The following KIAA1755 variants were observed in gnomAD, a reference collection of about 807,000 sequenced individuals.
KIAA1755 encodes the protein uncharacterized protein KIAA1755.
KIAA1755 carries 68 observed loss-of-function variants against 91.7 expected under a neutral mutation model. That is an observed-to-expected ratio of 0.74 (90% CI 0.61 to 0.91). The LOEUF is 0.91. Among genes scored for constraint, KIAA1755 ranks in the 40% least tolerant of loss-of-function variants. The pLI is 0.00. For missense variants in KIAA1755, 1,535 were observed against 1,494.4 expected (o/e 1.03, Z -0.45); for synonymous variants, 610 against 604.6 (o/e 1.01, Z -0.13).
At chr20:38,218,393 A>G in intron 11 of KIAA1755, 27 bp from the exon 12 acceptor site, 1 of 1,613,014 alleles carries the variant, frequency 6.2e-7, no homozygotes, top group Non-Finnish European at 8.5e-7. Context: ...AGATTTGGAC[A>G]TGAGGGGCTG....
chr20:38,248,714 T>TTATTA (rs2076198596), intron 1 of KIAA1755, among the ~76,000 whole-genome samples: 1 of 98,156 alleles, frequency 1.0e-5, no homozygotes, highest in Non-Finnish European at 2.3e-5. Flanking sequence ...TATTATTATT[T>TTATTA]TTGAGACAGA....
In KIAA1755 at chr20:38,213,569, G is replaced by A. The variant is rs533520677; in HGVS notation, c.3076C>T (p.Arg1026Trp). Residue 1026 changes from arginine to tryptophan, a missense_variant, in exon 14 of 14, where the codon CGG (arginine) becomes TGG (tryptophan). Physicochemically the swap from Arg to Trp is moderately radical, Grantham distance 101. Transcript: ENST00000279024. ...AVGLQVASLSRAGLGQELWEE... is the reference protein window; with the variant it reads ...AVGLQVASLSWAGLGQELWEE... ...CATAGCTCCTGGCCCAGGCCTGCCC[G>A]GCTCAGGGAGGCCACCTGCAGCCCC... is the stretch of plus-strand genomic sequence containing the variant. 4.1e-5 allele frequency: 66 copies of A among 1,605,714 alleles called. No homozygotes were observed. The highest frequency in any genetic ancestry group is 1.7e-4 in the Middle Eastern group (1 of 6,030).
chr20:38,237,683 T>C lies in KIAA1755; in HGVS notation c.1747+1845A>G, dbSNP rs1190861563. On this transcript the variant is annotated intron_variant, in intron 4 of 13. Transcript: ENST00000279024. ...TGGAAAAGGGGAGTGAAAAGGTGGT[T>C]GAACCAATAGGTTCAAGGTTTTGGG... Among the ~76,000 whole-genome samples, 3 of 151,806 alleles carry C rather than the reference T, an allele frequency of 2.0e-5. No homozygotes were observed. The East Asian group carries it at 5.8e-4, about 29-fold the overall frequency.
chr20:38,212,523 C>G lies in KIAA1755; in HGVS notation c.*519G>C, dbSNP rs1387895915. 6.5e-6 allele frequency: 1 copy of G among 153,592 alleles called. No individual in the cohort carries two copies. The highest frequency in any genetic ancestry group is 2.4e-5 in the African/African-American group (1 of 41,502). The allele number at this position is 153,592 out of a possible 1,614,324, so 9.5% of individuals were successfully genotyped here. A position where few individuals can be genotyped will look rare whatever the true frequency, so the allele number is the denominator to read the frequency against. On this transcript the variant is annotated 3_prime_UTR_variant, in exon 14 of 14. Coordinates refer to ENST00000279024, the MANE Select transcript of KIAA1755 (RefSeq NM_001029864.2). ...CCTTTGCAGATTCGCCTCCTACTCC[C>G]CCAGCAGAGGTTCCTGGATCAGCAC...
intron 13 of KIAA1755, among the ~76,000 whole-genome samples, chr20:38,216,425 G>A (rs774552561): frequency 3.3e-5 from 5 of 152,214 alleles, no homozygotes; most frequent in East Asian, 1.9e-4. Context: ...TGGCCTGCAC[G>A]TGGGGCTGGC....
At chr20:38,245,775 C>T (rs1465113002) in intron 2 of KIAA1755, among the ~76,000 whole-genome samples, 154 bp downstream of exon 2, 2 of 152,196 alleles carry the variant, frequency 1.3e-5, no homozygotes, top group African/African-American at 2.4e-5. Flanking sequence ...TGATGTCTCC[C>T]CCTGGGCAAG....
At chr20:38,238,291 G>T (rs977052803) in intron 4 of KIAA1755, among the ~76,000 whole-genome samples, 1 of 152,170 alleles carries the variant, frequency 6.6e-6, no homozygotes, top group Admixed American at 6.5e-5. Context: ...CCAGGAAAAT[G>T]ACAGATAAGG....
intron 10 of KIAA1755, 98 bp downstream of exon 10, chr20:38,222,351 G>A (rs999793944): frequency 1.1e-5 from 15 of 1,332,646 alleles, no homozygotes; most frequent in Admixed American, 2.1e-5. Context: ...GCGCCCTCGG[G>A]GCTCAGCTAT....
intron 1 of KIAA1755, 110 bp downstream of exon 1, chr20:38,260,388 C>T: frequency 6.2e-7 from 1 of 1,601,926 alleles, no homozygotes; most frequent in Middle Eastern, 1.7e-4. Flanking sequence ...CACTGAGGGT[C>T]GTCTCAGTGT....
intron 1 of KIAA1755, among the ~76,000 whole-genome samples, chr20:38,258,250 A>G (rs1427055098): frequency 6.6e-6 from 1 of 152,218 alleles, no homozygotes; most frequent in Non-Finnish European, 1.5e-5. Context: ...CATGGTTGTG[A>G]TATAAAATTT....
At position 38,240,839 on chromosome 20, in the gene KIAA1755, G is replaced by T; in HGVS notation, c.1292C>A (p.Ala431Glu). 6.2e-7 allele frequency: 1 copy of T among 1,614,188 alleles called. No homozygotes were observed. Among genetic ancestry groups the T allele is most frequent in the South Asian group, 1.1e-5 (1 of 91,080 alleles). ...SSPRLSPASP[A>E]AAASETKIEV... Reference sequence around the variant, plus strand: ...TATCTTTGTTTCAGAGGCTGCAGCTGCAGGAGAAGCTGGGGACAGGCGGGG... The same window carrying T: ...TATCTTTGTTTCAGAGGCTGCAGCTTCAGGAGAAGCTGGGGACAGGCGGGG... The change falls in exon 3 of 14, where the codon GCA becomes GAA. Residue 431 changes from alanine (A) to glutamate (E), a missense_variant. Transcript: ENST00000279024.
chr20:38,243,253 T>C (rs1459614640), intron 2 of KIAA1755, among the ~76,000 whole-genome samples: 1 of 152,236 alleles, frequency 6.6e-6, no homozygotes, highest in Non-Finnish European at 1.5e-5. Flanking sequence ...AATTATTGAT[T>C]GCGGAAATAG....
intron 1 of KIAA1755, among the ~76,000 whole-genome samples, chr20:38,253,586 C>T (rs1027866081): frequency 2.0e-5 from 3 of 152,056 alleles, no homozygotes; most frequent in African/African-American, 7.2e-5. Flanking sequence ...ACCGTATGAT[C>T]TATAGTATGA....
chr20:38,230,481 AC>A (rs2123152460), intron 5 of KIAA1755, among the ~76,000 whole-genome samples: 1 of 152,344 alleles, frequency 6.6e-6, no homozygotes, highest in South Asian at 2.1e-4. Flanking sequence ...GAAATTTGTT[AC>A]AAATGCAGAT....
intron 1 of KIAA1755, among the ~76,000 whole-genome samples, chr20:38,248,231 A>G (rs1165515790): frequency 6.6e-6 from 1 of 152,242 alleles, no homozygotes; most frequent in Non-Finnish European, 1.5e-5. Flanking sequence ...TAAATAAAAT[A>G]AAATAATAAA....
chr20:38,254,453 A>G (rs1376053132), intron 1 of KIAA1755, among the ~76,000 whole-genome samples: 2 of 152,096 alleles, frequency 1.3e-5, no homozygotes, highest in Non-Finnish European at 2.9e-5. Context: ...AAGCATATCT[A>G]TCTCCAAGGG....
At chr20:38,240,484 G>T in intron 3 of KIAA1755, 98 bp downstream of exon 3, 1 of 1,263,548 alleles carries the variant, frequency 7.9e-7, no homozygotes, top group Non-Finnish European at 1.1e-6. Flanking sequence ...AGCTGAGCCA[G>T]CCCAGGTGGT....
rs140768307 is a variant in KIAA1755 at position 38,217,465 on chromosome 20, G to C, written c.2689C>G (p.Arg897Gly). The C allele has an allele frequency of 1.9e-6, 3 of 1,605,938 alleles. No homozygotes were observed. Among genetic ancestry groups the C allele is most frequent in the African/African-American group, 2.7e-5 (2 of 74,692 alleles). The change falls in exon 13 of 14, where the codon CGC becomes GGC. Residue 897 changes from arginine to glycine, a missense_variant. Transcript: ENST00000279024. Reference sequence around the variant, plus strand: ...TGCTTGGACAGCTCCAGGCCTCGGCGGTACTGGGCCTGAGAGGGGAGAGGA... The same window carrying C: ...TGCTTGGACAGCTCCAGGCCTCGGCCGTACTGGGCCTGAGAGGGGAGAGGA... ...NFFLQAAAQY[R>G]RGLELSKQAA...
chr20:38,260,154 T>C, intron 1 of KIAA1755: 2 of 1,315,196 alleles, frequency 1.5e-6, no homozygotes, highest in Non-Finnish European at 2.0e-6. Flanking sequence ...CATATCACAG[T>C]CAGTTCCAAA....
Sources: gnomAD v4.1 joint callset for allele counts (sites outside exome capture counted in the v4.1 genomes callset) on GRCh38, gnomAD v4.1.1 for gene constraint, MANE v1.5 for transcripts, NCBI Gene and HGNC (gene_info 2026-07-23, HGNC 2026-07-21) for gene names.